The following SETDB1 variants were observed in gnomAD, a reference collection of about 807,000 sequenced individuals.
SETDB1 encodes SET domain bifurcated histone lysine methyltransferase 1.
A neutral mutation model predicts 137.4 loss-of-function variants in SETDB1; 31 were observed. That is an observed-to-expected ratio of 0.23 (90% CI 0.17 to 0.30). The LOEUF (loss-of-function observed/expected upper bound fraction) is 0.30, where lower values mean the gene tolerates loss of function less well. SETDB1 is among the 10% of genes least tolerant of loss of function. The probability of loss-of-function intolerance (pLI) is 1.00; values close to 1 mark genes in which losing one functional copy is unlikely to be tolerated. For synonymous variants in SETDB1, 548 were observed against 579.9 expected (o/e 0.95, Z 0.79); for missense variants, 1,113 against 1,631.5 (o/e 0.68, Z 5.47).
At chr1:150,946,712 T>G (rs967543039) in intron 9 of SETDB1, among the ~76,000 whole-genome samples, 174 bp from the exon 10 acceptor site, 1 of 152,164 alleles carries the variant, frequency 6.6e-6, no homozygotes, top group Non-Finnish European at 1.5e-5. Flanking sequence ...CCTCCCAAAG[T>G]GCTGGGATTA....
At chr1:150,931,949 T>G (rs1437279458) in intron 3 of SETDB1, among the ~76,000 whole-genome samples, 3 of 152,090 alleles carry the variant, frequency 2.0e-5, no homozygotes, top group African/African-American at 7.2e-5. Flanking sequence ...TATGTTCCTT[T>G]TGTCTTTTAT....
chr1:150,958,620 A>T (rs587700411), intron 14 of SETDB1, among the ~76,000 whole-genome samples: 89 of 152,274 alleles, frequency 5.8e-4, no homozygotes, highest in Admixed American at 2.8e-3. Flanking sequence ...TTACTGAATG[A>T]AAGAATGAAA....
rs758240482 is a variant in SETDB1 at position 150,962,142 on chromosome 1, C to T, written c.3145C>T (p.Arg1049Ter). The change falls in exon 17 of 22, where the codon CGA becomes TGA. Residue 1049 changes from arginine to a stop codon, truncating the protein, a stop_gained. Coordinates refer to ENST00000692827, the MANE Select transcript of SETDB1 (RefSeq NM_001366418.1). LOFTEE classifies it high-confidence loss of function. ...KQAKKEDTDD[R>*]NKMSVVTESS... ...TGTTCTTTTCCAGGACACTGACGAC[C>T]GAAACAAGATGTCAGTGTAAGTGCC... 6.2e-7 allele frequency: 1 copy of T among 1,613,974 alleles called. No homozygotes were observed. Among genetic ancestry groups the T allele is most frequent in the Non-Finnish European group, 8.5e-7 (1 of 1,179,934 alleles).
At chr1:150,954,580 C>G (rs1215614838) in intron 14 of SETDB1, among the ~76,000 whole-genome samples, 2 of 151,570 alleles carry the variant, frequency 1.3e-5, no homozygotes, top group Non-Finnish European at 2.9e-5. Context: ...AATGTCAGAA[C>G]ACTGAGGGAA....
At chr1:150,946,415 A>G (rs1670330137) in intron 9 of SETDB1, among the ~76,000 whole-genome samples, 1 of 151,856 alleles carries the variant, frequency 6.6e-6, no homozygotes, top group Non-Finnish European at 1.5e-5. Flanking sequence ...GATACCCATC[A>G]TGGATCCTGG....
chr1:150,953,462 G>A (rs982611861), intron 14 of SETDB1, among the ~76,000 whole-genome samples: 3 of 151,338 alleles, frequency 2.0e-5, no homozygotes, highest in East Asian at 1.9e-4. Context: ...GGAGGTGGAG[G>A]TTGCAGTGAG....
intron 3 of SETDB1, among the ~76,000 whole-genome samples, chr1:150,933,761 CTTTTTCTTTTT>C (rs1558012184): frequency 1.8e-5 from 2 of 113,390 alleles, no homozygotes; most frequent in Non-Finnish European, 3.7e-5. Flanking sequence ...TTTTCTTTTT[CTTTTTCTTTTT>C]CTTTTTCTTT....
At chr1:150,942,325 T>C (rs587669671) in intron 5 of SETDB1, among the ~76,000 whole-genome samples, 40 of 150,672 alleles carry the variant, frequency 2.7e-4, no homozygotes, top group African/African-American at 9.5e-4. Flanking sequence ...TGCGTGCCTG[T>C]AGTCCCAGCT....
intron 8 of SETDB1, 24 bp from the exon 9 acceptor site, chr1:150,944,894 A>G: frequency 6.2e-7 from 1 of 1,612,764 alleles, no homozygotes. Context: ...CTGCCCTCTC[A>G]GTTCTACTTC....
rs928714611 is a variant in SETDB1 at position 150,964,171 on chromosome 1, C to T, written c.3762-76C>T. ...CTCCTCCATTCATGATCCAACTCCACCTACATATTCAGTAACCCCAAGTGC... is the reference window on the plus strand; with the variant it reads ...CTCCTCCATTCATGATCCAACTCCATCTACATATTCAGTAACCCCAAGTGC... On this transcript the variant is annotated intron_variant, in intron 21 of 21. Coordinates refer to ENST00000692827, the MANE Select transcript of SETDB1 (RefSeq NM_001366418.1). 1.8e-5 allele frequency: 27 copies of T among 1,521,118 alleles called. 1 individual carries two copies. The South Asian group carries it at 2.5e-4, about 14-fold the overall frequency. 94.2% of individuals were successfully genotyped at this position (1,521,118 alleles called of 1,614,324 possible).
Position 150,939,943 on chromosome 1 carries a change from A to T in SETDB1, c.416A>T (p.Asp139Val). Residue 139 changes from aspartate to valine, a missense_variant, in exon 4 of 22, where the codon GAT becomes GTT. Asp to Val is a radical substitution (Grantham distance 152). Around this residue, in one of 11 missense-constraint regions of SETDB1, gnomAD observed 159 missense variants for 188.6 expected, o/e 0.84. Transcript: ENST00000692827. ...DDDVLSIDSG[D>V]AGSRTPKDQK... ...TTAGAGTTCTTCTCGTCCATAGGTG[A>T]TGCTGGGAGCAGAACTCCAAAAGAC... 3.1e-6 allele frequency: 5 copies of T among 1,612,568 alleles called. No homozygotes were observed. The highest frequency in any genetic ancestry group is 4.2e-6 in the Non-Finnish European group (5 of 1,178,760).
In SETDB1 at chr1:150,961,159, G is replaced by A; in HGVS notation, c.3100G>A (p.Asp1034Asn). The A allele has an allele frequency of 1.9e-6, 3 of 1,613,770 alleles. No individual in the cohort carries two copies. Among genetic ancestry groups the A allele is most frequent in the Non-Finnish European group, 2.5e-6 (3 of 1,180,020 alleles). The change falls in exon 16 of 22, where the codon GAT becomes AAT. Residue 1034 changes from aspartate to asparagine, a missense_variant. Coordinates refer to ENST00000692827, the MANE Select transcript of SETDB1 (RefSeq NM_001366418.1). ...CTCCACCTCAGGACTAGGCATCAAG[G>A]ATGAGGGAGACATCAAACAGGCCAA... ...KASTSGLGIK[D>N]EGDIKQAKKE...
rs772874873 is a variant in SETDB1 at position 150,963,012 on chromosome 1, G to A, written c.3333G>A (p.Gly1111=). The A allele has an allele frequency of 6.2e-7, 1 of 1,614,102 alleles. No individual in the cohort carries two copies. The highest frequency in any genetic ancestry group is 1.1e-5 in the South Asian group (1 of 91,078). Residue 1111 remains glycine (G), a synonymous_variant, in exon 19 of 22, where the codon GGG becomes GGA. Coordinates refer to ENST00000692827, the MANE Select transcript of SETDB1 (RefSeq NM_001366418.1). ...LTLSSSTESE[G]ESGTSRKPTA... The stretch of plus-strand genomic sequence containing the variant: ...TGTCCAGCAGCACAGAAAGTGAGGG[G>A]GAAAGTGGGACCAGCCGAAAGCCCA...
At chr1:150,951,850 GA>G (rs774308826) in intron 14 of SETDB1, among the ~76,000 whole-genome samples, 41 of 152,240 alleles carry the variant, frequency 2.7e-4, no homozygotes, top group Admixed American at 8.5e-4. Context: ...AAATCAGAAT[GA>G]AAAAAGTTAG....
chr1:150,952,600 C>T (rs946490478), intron 14 of SETDB1, among the ~76,000 whole-genome samples: 9 of 152,046 alleles, frequency 5.9e-5, no homozygotes, highest in Non-Finnish European at 1.0e-4. Flanking sequence ...GAAATGCCGC[C>T]GGGCGCAGTG....
At chr1:150,950,172 T>G (rs1034067706) in intron 12 of SETDB1, among the ~76,000 whole-genome samples, 48 of 151,852 alleles carry the variant, frequency 3.2e-4, no homozygotes, top group Non-Finnish European at 1.5e-4. Context: ...AGGCAGAGGT[T>G]GTGGTGAGCC....
chr1:150,961,362 CA>C (rs919763084), intron 16 of SETDB1, 171 bp downstream of exon 16: 79 of 701,194 alleles, frequency 1.1e-4, no homozygotes, highest in Non-Finnish European at 9.1e-5. Context: ...TTTAAAGAAC[CA>C]AATTATTGAC....
intron 10 of SETDB1, 35 bp from the exon 11 acceptor site, chr1:150,949,087 C>A: frequency 6.3e-7 from 1 of 1,592,910 alleles, no homozygotes; most frequent in Admixed American, 1.7e-5. Context: ...TCATAGCTAT[C>A]ATCTTCTCAG....
chr1:150,962,034 G>T, intron 16 of SETDB1, 96 bp from the exon 17 acceptor site: 4 of 1,431,574 alleles, frequency 2.8e-6, no homozygotes, highest in South Asian at 1.1e-5. Context: ...ACCTGTCACT[G>T]GCTGATGTTA....
Sources: allele counts gnomAD v4.1 joint callset (sites outside exome capture counted in the v4.1 genomes callset), GRCh38; gene constraint gnomAD v4.1.1; regional missense constraint gnomAD v4.1.1; transcripts MANE v1.5; gene names NCBI Gene and HGNC (gene_info 2026-07-23, HGNC 2026-07-21).